Variants in UTRN observed in about 807,000 individuals in gnomAD.
UTRN encodes dystrophin-related protein 1.
Under a neutral mutation model 463.9 loss-of-function variants are expected in UTRN, and 283 were observed. The observed-to-expected ratio is 0.61, with a 90% CI of 0.55 to 0.67. UTRN has a LOEUF of 0.67. Ranked by LOEUF, UTRN falls within the 30% of genes least tolerant of loss-of-function variation. The pLI is 0.00. For synonymous variants in UTRN, 1,442 were observed against 1,431.5 expected (o/e 1.01, Z -0.17); for missense variants, 3,922 against 4,084.3 (o/e 0.96, Z 1.08).
intron 51 of UTRN, among the ~76,000 whole-genome samples, chr6:144,582,257 TAGAC>T (rs1255275401): frequency 1.3e-5 from 2 of 152,160 alleles, no homozygotes; most frequent in Non-Finnish European, 2.9e-5. Flanking sequence ...ATGACAACAT[TAGAC>T]AGAGGTGAAA....
chr6:144,383,441 G>A (rs539686913), intron 2 of UTRN, among the ~76,000 whole-genome samples: 2 of 152,318 alleles, frequency 1.3e-5, no homozygotes, highest in South Asian at 4.1e-4. Flanking sequence ...TCAGTCTGTA[G>A]GTAGGCAACC....
intron 51 of UTRN, among the ~76,000 whole-genome samples, chr6:144,626,495 A>G (rs1775953180): frequency 6.6e-6 from 1 of 151,962 alleles, no homozygotes; most frequent in South Asian, 2.1e-4. Flanking sequence ...CTCCACCTTC[A>G]TGAGTTAGAA....
intron 41 of UTRN, among the ~76,000 whole-genome samples, chr6:144,529,196 A>G (rs758416627): frequency 6.6e-6 from 1 of 152,096 alleles, no homozygotes; most frequent in Non-Finnish European, 1.5e-5. Flanking sequence ...GCCCAACAGC[A>G]TTGGGTTTAT....
At chr6:144,344,090 CAAA>C (rs34356247) in intron 2 of UTRN, 7,879 of 833,690 alleles carry the variant, frequency 9.5e-3, no homozygotes, top group South Asian at 0.018. Context: ...TAAAAGCCAC[CAAA>C]AAAAAAAAAA....
At chr6:144,415,503 T>G (rs1485870714) in intron 3 of UTRN, among the ~76,000 whole-genome samples, 1 of 152,210 alleles carries the variant, frequency 6.6e-6, no homozygotes, top group Non-Finnish European at 1.5e-5. Flanking sequence ...TTATTCAATT[T>G]TTTGTAGATT....
intron 65 of UTRN, among the ~76,000 whole-genome samples, chr6:144,807,552 A>T (rs1203118210): frequency 6.6e-6 from 1 of 152,126 alleles, no homozygotes; most frequent in Non-Finnish European, 1.5e-5. Context: ...TTCAAGAGAC[A>T]GCATGACACA....
rs1554384504 is a variant in UTRN, at chr6:144,772,037, T to TGA, written c.8557+69_8557+70insGA. 3.7e-6 allele frequency: 4 copies of TGA among 1,089,812 alleles called. No homozygotes were observed. In the African/African-American group the frequency reaches 8.7e-5, roughly 24 times the overall value. The allele number at this position is 1,089,812 out of a possible 1,614,324, so 67.5% of individuals were successfully genotyped here. A position where few individuals can be genotyped will look rare whatever the true frequency, so the allele number is the denominator to read the frequency against. On this transcript the variant is annotated intron_variant, in intron 59 of 74. Coordinates refer to ENST00000367545, the MANE Select transcript of UTRN (RefSeq NM_007124.3). ...ACCGGTTTTTTTTTTTTTTTTTTTT[T>TGA]TTTTTTTTTTTTTTTTAAGGTGGAT...
intron 54 of UTRN, among the ~76,000 whole-genome samples, chr6:144,738,021 ATAT>A (rs1231256154): frequency 6.6e-6 from 1 of 152,144 alleles, no homozygotes; most frequent in East Asian, 1.9e-4. Context: ...GGCCAAGAAG[ATAT>A]TATGGTGCTG....
chr6:144,352,885 A>G (rs879538974), intron 2 of UTRN, among the ~76,000 whole-genome samples: 6 of 152,310 alleles, frequency 3.9e-5, no homozygotes, highest in Non-Finnish European at 7.4e-5. Context: ...GAAGACTGTC[A>G]GCATTGATTT....
intron 51 of UTRN, among the ~76,000 whole-genome samples, chr6:144,592,309 G>T (rs946773219): frequency 6.6e-6 from 1 of 152,062 alleles, no homozygotes; most frequent in Non-Finnish European, 1.5e-5. Flanking sequence ...TCCAGGGTAC[G>T]TTATTAGAAT....
intron 65 of UTRN, among the ~76,000 whole-genome samples, chr6:144,806,478 T>A: frequency 6.6e-6 from 1 of 152,186 alleles, no homozygotes; most frequent in Non-Finnish European, 1.5e-5. Context: ...CTACAACTTT[T>A]TGTAAAATAA....
chr6:144,551,140 C>A, intron 48 of UTRN, 58 bp downstream of exon 48: 6 of 529,934 alleles, frequency 1.1e-5, no homozygotes, highest in Non-Finnish European at 1.8e-5. Flanking sequence ...AATGGTGACA[C>A]ACACACACAC....
At chr6:144,363,261 A>G (rs1197955082) in intron 2 of UTRN, among the ~76,000 whole-genome samples, 1 of 152,142 alleles carries the variant, frequency 6.6e-6, no homozygotes, top group Non-Finnish European at 1.5e-5. Flanking sequence ...GAGTCTGTCC[A>G]TCTTTAATTT....
chr6:144,649,214 T>C (rs1394624271), intron 51 of UTRN, among the ~76,000 whole-genome samples: 1 of 152,060 alleles, frequency 6.6e-6, no homozygotes, highest in Non-Finnish European at 1.5e-5. Flanking sequence ...TTTAAGAAAA[T>C]AGAATCCTGT....
intron 65 of UTRN, among the ~76,000 whole-genome samples, chr6:144,807,262 A>G (rs1234742642): frequency 6.6e-6 from 1 of 152,114 alleles, no homozygotes; most frequent in Non-Finnish European, 1.5e-5. Flanking sequence ...TTAAATCCAC[A>G]AAGCACCCTA....
In UTRN at chr6:144,490,842, T is replaced by C. The variant is rs1266180348; in HGVS notation, c.4264-87T>C. The C allele has an allele frequency of 4.2e-6, 6 of 1,420,778 alleles. No homozygotes were observed. In the African/African-American group the frequency reaches 8.6e-5, roughly 20 times the overall value. The allele number at this position is 1,420,778 out of a possible 1,614,324, so 88.0% of individuals were successfully genotyped here. A position where few individuals can be genotyped will look rare whatever the true frequency, so the allele number is the denominator to read the frequency against. ...ATTTTTTTCTTTTGGTACTTTATGG[T>C]ACAAATTTTTAGTAGTATCTGTTAT... On this transcript the variant is annotated intron_variant, in intron 31 of 74. Transcript: ENST00000367545.
intron 50 of UTRN, among the ~76,000 whole-genome samples, chr6:144,569,836 G>A (rs955980651): frequency 1.3e-5 from 2 of 152,166 alleles, no homozygotes; most frequent in African/African-American, 4.8e-5. Context: ...GGTTCAGAGA[G>A]ATGTGATTTG....
intron 54 of UTRN, among the ~76,000 whole-genome samples, chr6:144,743,262 C>G (rs757297556): frequency 6.6e-6 from 1 of 152,104 alleles, no homozygotes; most frequent in Non-Finnish European, 1.5e-5. Flanking sequence ...ATGGAGATTA[C>G]AAATGTTGAT....
chr6:144,491,926 AGCTTTTTG>A (rs1408055874), intron 32 of UTRN, among the ~76,000 whole-genome samples: 1 of 152,182 alleles, frequency 6.6e-6, no homozygotes, highest in Non-Finnish European at 1.5e-5. Flanking sequence ...TTTAGAATAA[AGCTTTTTG>A]GTTTCAGGTA....
Sources: allele counts gnomAD v4.1 joint callset (sites outside exome capture counted in the v4.1 genomes callset), GRCh38; gene constraint gnomAD v4.1.1; transcripts MANE v1.5; gene names NCBI Gene and HGNC (gene_info 2026-07-23, HGNC 2026-07-21).